The following GPC5 variants were observed in gnomAD, a reference collection of about 807,000 sequenced individuals.
GPC5 encodes the protein glypican-5.
Under a neutral mutation model 53.9 loss-of-function variants are expected in GPC5, and 47 were observed. The observed-to-expected ratio is 0.87, with a 90% CI of 0.69 to 1.11. GPC5 has a LOEUF of 1.11. Among genes scored for constraint, GPC5 ranks in the 50% most tolerant of loss-of-function variants. GPC5 has a pLI of 0.00. For missense variants in GPC5, 748 were observed against 713.1 expected, an observed-to-expected ratio of 1.05 and a Z score of -0.56; for synonymous variants, 286 against 263.3, an observed-to-expected ratio of 1.09 and a Z score of -0.84.
At chr13:91,750,040 C>T (rs903202113) in intron 4 of GPC5, among the ~76,000 whole-genome samples, 16 of 152,162 alleles carry the variant, frequency 1.1e-4, no homozygotes, top group African/African-American at 3.9e-4. Flanking sequence ...AAACTCCTGA[C>T]CTCAATTGAT....
chr13:92,589,525 A>C (rs1883650976), intron 7 of GPC5, among the ~76,000 whole-genome samples: 1 of 152,218 alleles, frequency 6.6e-6, no homozygotes, highest in African/African-American at 2.4e-5. Context: ...AATCATAAAA[A>C]ATGTTTTATT....
At chr13:92,741,834 G>A (rs1889105377) in intron 7 of GPC5, among the ~76,000 whole-genome samples, 1 of 152,112 alleles carries the variant, frequency 6.6e-6, no homozygotes, top group African/African-American at 2.4e-5. Context: ...AGAACACGCG[G>A]TGTTTGGTTT....
At chr13:91,892,559 T>G (rs1372453563) in intron 5 of GPC5, among the ~76,000 whole-genome samples, 1 of 151,738 alleles carries the variant, frequency 6.6e-6, no homozygotes, top group East Asian at 1.9e-4. Flanking sequence ...TAACACTAAT[T>G]TTTAGTGAAA....
intron 7 of GPC5, among the ~76,000 whole-genome samples, chr13:92,594,175 G>C (rs565057182): frequency 6.6e-6 from 1 of 152,250 alleles, no homozygotes; most frequent in Non-Finnish European, 1.5e-5. Context: ...AGAAAGTGGA[G>C]AATCAGCTTC....
chr13:92,443,567 TAACA>T (rs1877667075), intron 7 of GPC5, among the ~76,000 whole-genome samples: 1 of 152,158 alleles, frequency 6.6e-6, no homozygotes, highest in Non-Finnish European at 1.5e-5. Flanking sequence ...TTTGAGCTCC[TAACA>T]GTTTATGAAA....
intron 7 of GPC5, among the ~76,000 whole-genome samples, chr13:92,462,141 A>G (rs1163463244): frequency 2.0e-5 from 3 of 152,194 alleles, no homozygotes; most frequent in Admixed American, 2.0e-4. Context: ...TGACAGCGGA[A>G]GCCACTAGAG....
chr13:92,257,136 ATATTT>A (rs2042731903), intron 7 of GPC5, among the ~76,000 whole-genome samples: 1 of 152,198 alleles, frequency 6.6e-6, no homozygotes, highest in Non-Finnish European at 1.5e-5. Flanking sequence ...CTTAAGCTGG[ATATTT>A]AACTTCAGGT....
intron 6 of GPC5, among the ~76,000 whole-genome samples, chr13:91,975,621 A>G (rs978441840): frequency 9.7e-4 from 147 of 152,330 alleles, no homozygotes; most frequent in African/African-American, 3.4e-3. Context: ...TCAGGAAACA[A>G]CAGGTGCTGG....
At chr13:91,651,101 A>G (rs978651552) in intron 2 of GPC5, among the ~76,000 whole-genome samples, 1 of 152,150 alleles carries the variant, frequency 6.6e-6, no homozygotes, top group Non-Finnish European at 1.5e-5. Context: ...TAAAGGTTAT[A>G]AAAAGAGTTT....
rs1412139808 is a variant in GPC5 at position 91,626,692 on chromosome 13, T to C, written c.326-66495T>C. On this transcript the variant is annotated intron_variant, in intron 2 of 7. Coordinates refer to ENST00000377067, the MANE Select transcript of GPC5 (RefSeq NM_004466.6). ...GTTTATATATATATTTATTATACTT[T>C]AAGTTCTAGGGTACATGTGCACTAC... is the stretch of plus-strand genomic sequence containing the variant. 2.0e-5 allele frequency among the ~76,000 whole-genome samples: 3 copies of C among 152,086 alleles called. No homozygotes were observed. In the East Asian group the frequency reaches 5.8e-4, roughly 29 times the overall value.
In GPC5 at chr13:92,613,269, A is replaced by G. The variant is rs181349578; in HGVS notation, c.1562-253013A>G. 7.2e-3 allele frequency among the ~76,000 whole-genome samples: 910 copies of G among 125,568 alleles called. 19 individuals are homozygous for G. The highest frequency in any genetic ancestry group is 0.027 in the African/African-American group (875 of 32,970). 82.4% of individuals were successfully genotyped at this position (125,568 alleles called of 152,430 possible). On this transcript the variant is annotated intron_variant, in intron 7 of 7. Transcript: ENST00000377067. ...TATAATTTATATATAATATATATAT[A>G]AATTATATAATATATATTTTATATA...
chr13:91,778,305 G>A (rs1031519041), intron 5 of GPC5, among the ~76,000 whole-genome samples: 1 of 152,174 alleles, frequency 6.6e-6, no homozygotes, highest in African/African-American at 2.4e-5. Context: ...CAGTTGAAGG[G>A]AGTATACAAG....
At chr13:91,702,895 G>T (rs2036023593) in intron 3 of GPC5, among the ~76,000 whole-genome samples, 1 of 152,010 alleles carries the variant, frequency 6.6e-6, no homozygotes. Flanking sequence ...TAGTGGTTGT[G>T]AATGGGATTG....
intron 2 of GPC5, among the ~76,000 whole-genome samples, chr13:91,552,815 A>G (rs1178038374): frequency 6.6e-6 from 1 of 151,972 alleles, no homozygotes. Flanking sequence ...CAGAGATTTT[A>G]TTTATGGCCA....
intron 6 of GPC5, among the ~76,000 whole-genome samples, chr13:91,976,078 A>G (rs1004049730): frequency 1.3e-5 from 2 of 152,144 alleles, no homozygotes; most frequent in Non-Finnish European, 2.9e-5. Context: ...CAATGAGAAC[A>G]CATGGACACA....
chr13:92,708,420 T>C (rs1999857), intron 7 of GPC5, among the ~76,000 whole-genome samples: 8,338 of 152,238 alleles, frequency 0.055, 630 homozygotes, highest in East Asian at 0.33. Context: ...GAGTAACAAC[T>C]GTACTAGGGT....
chr13:92,494,708 G>T (rs1407111559), intron 7 of GPC5, among the ~76,000 whole-genome samples: 1 of 152,084 alleles, frequency 6.6e-6, no homozygotes, highest in Non-Finnish European at 1.5e-5. Flanking sequence ...GGGAATGCCT[G>T]TATGCCTCTG....
chr13:92,822,096 AT>A (rs1038499436), intron 7 of GPC5, among the ~76,000 whole-genome samples: 1 of 152,076 alleles, frequency 6.6e-6, no homozygotes, highest in East Asian at 1.9e-4. Context: ...GCCTCTTGTT[AT>A]TTTTTTCTGT....
intron 7 of GPC5, among the ~76,000 whole-genome samples, chr13:92,383,348 A>C (rs749308146): frequency 7.9e-5 from 12 of 152,212 alleles, no homozygotes; most frequent in Non-Finnish European, 1.5e-4. Context: ...AGATTATTTG[A>C]ATAATATAGC....
Sources: allele counts gnomAD v4.1 joint callset (sites outside exome capture counted in the v4.1 genomes callset), GRCh38; gene constraint gnomAD v4.1.1; transcripts MANE v1.5; gene names NCBI Gene and HGNC (gene_info 2026-07-23, HGNC 2026-07-21).